Variants in AUTS2 observed in about 807,000 individuals in gnomAD.
AUTS2 encodes autism susceptibility gene 2 protein.
Under a neutral mutation model 112.4 loss-of-function variants are expected in AUTS2, and 17 were observed. The observed-to-expected ratio is 0.15, with a 90% CI of 0.10 to 0.23. The LOEUF is 0.23. Among genes scored for constraint, AUTS2 ranks in the 10% least tolerant of loss-of-function variants. The probability of loss-of-function intolerance (pLI) is 1.00; values close to 1 mark genes in which losing one functional copy is unlikely to be tolerated. For missense variants in AUTS2, 1,510 were observed against 1,701.6 expected, an observed-to-expected ratio of 0.89 and a Z score of 1.98; for synonymous variants, 751 against 702.7, an observed-to-expected ratio of 1.07 and a Z score of -1.09.
chr7:70,614,614 G>A (rs1051223249), intron 5 of AUTS2, among the ~76,000 whole-genome samples: 1 of 152,190 alleles, frequency 6.6e-6, no homozygotes, highest in Non-Finnish European at 1.5e-5. Flanking sequence ...AGCTTCAGAG[G>A]CGTGGCTTTT....
chr7:70,377,338 AT>A (rs1793144624), intron 4 of AUTS2, among the ~76,000 whole-genome samples: 2 of 59,282 alleles, frequency 3.4e-5, no homozygotes, highest in Admixed American at 3.4e-4. Context: ...ATATATATAT[AT>A]ATATATATAT....
At chr7:70,408,710 C>T (rs1562940568) in intron 4 of AUTS2, among the ~76,000 whole-genome samples, 1 of 152,220 alleles carries the variant, frequency 6.6e-6, no homozygotes, top group East Asian at 1.9e-4. Flanking sequence ...TATTCAGGTA[C>T]TCTTACACCT....
intron 4 of AUTS2, among the ~76,000 whole-genome samples, chr7:70,272,253 G>A (rs1362602691): frequency 2.6e-5 from 4 of 151,382 alleles, no homozygotes; most frequent in African/African-American, 7.3e-5. Context: ...AAAAAAGATA[G>A]GACACATTTT....
chr7:70,257,218 G>A (rs965845138), intron 4 of AUTS2, among the ~76,000 whole-genome samples: 7 of 152,016 alleles, frequency 4.6e-5, no homozygotes, highest in African/African-American at 1.7e-4. Context: ...ATAACTCATT[G>A]CAACCTCGAC....
intron 1 of AUTS2, among the ~76,000 whole-genome samples, chr7:69,898,083 G>C (rs925108035): frequency 1.3e-5 from 2 of 152,114 alleles, no homozygotes; most frequent in African/African-American, 4.8e-5. Flanking sequence ...GAAATACAAA[G>C]GATACATGTT....
chr7:70,038,979 G>A (rs747011355), intron 2 of AUTS2, among the ~76,000 whole-genome samples: 1 of 151,876 alleles, frequency 6.6e-6, no homozygotes, highest in East Asian at 1.9e-4. Flanking sequence ...GGCTGGTCTC[G>A]AGCTTGTGGC....
chr7:70,502,087 GA>G (rs1464335215), intron 5 of AUTS2, among the ~76,000 whole-genome samples: 1 of 152,164 alleles, frequency 6.6e-6, no homozygotes, highest in African/African-American at 2.4e-5. Flanking sequence ...GTCTCTTGTA[GA>G]GATGTACACT....
intron 4 of AUTS2, among the ~76,000 whole-genome samples, chr7:70,147,831 A>G (rs1172232553): frequency 6.6e-6 from 1 of 152,106 alleles, no homozygotes; most frequent in Non-Finnish European, 1.5e-5. Context: ...GTGATCAAGC[A>G]TGATCACTGA....
At chr7:70,406,618 G>C (rs879544699) in intron 4 of AUTS2, among the ~76,000 whole-genome samples, 2 of 152,186 alleles carry the variant, frequency 1.3e-5, no homozygotes, top group Non-Finnish European at 2.9e-5. Context: ...CTGGGCTCAC[G>C]TGGGTGTATC....
At chr7:69,936,584 C>T (rs975037221) in intron 2 of AUTS2, among the ~76,000 whole-genome samples, 5 of 152,210 alleles carry the variant, frequency 3.3e-5, no homozygotes, top group South Asian at 2.1e-4. Flanking sequence ...CTCCTGACCT[C>T]GTAATCCACC....
Position 69,899,451 on chromosome 7 carries a change from T to G in AUTS2, c.475T>G (p.Cys159Gly). The G allele has an allele frequency of 6.2e-7, 1 of 1,613,954 alleles. No individual in the cohort carries two copies. The highest frequency in any genetic ancestry group is 8.5e-7 in the Non-Finnish European group (1 of 1,179,868). Residue 159 changes from cysteine to glycine, a missense_variant, in exon 2 of 19, where the codon TGC (cysteine) becomes GGC (glycine). Cys to Gly is a radical substitution (Grantham distance 159). This residue lies in a region of AUTS2 where 535 missense variants were observed against 594.3 expected (regional missense o/e 0.90). Transcript: ENST00000342771. ...AGATCGAGAAAATGACCGCAATCTCTGCCAGCACCTTGGGAAGAGAAAGAA... is the reference window on the plus strand; with the variant it reads ...AGATCGAGAAAATGACCGCAATCTCGGCCAGCACCTTGGGAAGAGAAAGAA... ...SSDRENDRNL[C>G]QHLGKRKKMP...
At chr7:69,626,662 A>C (rs1793966809) in intron 1 of AUTS2, among the ~76,000 whole-genome samples, 1 of 152,240 alleles carries the variant, frequency 6.6e-6, no homozygotes. Context: ...AAGCTGAAAG[A>C]GAAGTTAATT....
At chr7:69,645,075 ATTT>A (rs34549998) in intron 1 of AUTS2, among the ~76,000 whole-genome samples, 2 of 139,720 alleles carry the variant, frequency 1.4e-5, no homozygotes. Context: ...CACCCAGTTA[ATTT>A]TTTTTTTTTT....
intron 2 of AUTS2, among the ~76,000 whole-genome samples, chr7:69,983,953 G>C (rs900987143): frequency 6.6e-6 from 1 of 152,080 alleles, no homozygotes; most frequent in African/African-American, 2.4e-5. Flanking sequence ...TGATTCATCA[G>C]ACAGCTCTAG....
rs114284608 is a variant in AUTS2 at position 69,938,275 on chromosome 7, C to T, written c.522+38777C>T. ...CAGGTGCTGTCTCCTTCTGCAGCTT[C>T]CCGTAGGCCTCTTCCCACTGCTCTT... is the stretch of plus-strand genomic sequence containing the variant. On this transcript the variant is annotated intron_variant, in intron 2 of 18. Transcript: ENST00000342771. Among the ~76,000 whole-genome samples, 995 of 152,254 alleles carry T rather than the reference C, an allele frequency of 6.5e-3. 9 individuals are homozygous for T. The highest frequency in any genetic ancestry group is 0.023 in the African/African-American group (942 of 41,554).
At chr7:70,308,406 A>T (rs752921569) in intron 4 of AUTS2, among the ~76,000 whole-genome samples, 7 of 152,230 alleles carry the variant, frequency 4.6e-5, no homozygotes, top group Non-Finnish European at 8.8e-5. Flanking sequence ...GTTTAAGAGC[A>T]AATTGATTAG....
intron 4 of AUTS2, among the ~76,000 whole-genome samples, chr7:70,416,626 G>A (rs574537912): frequency 2.0e-5 from 3 of 152,304 alleles, no homozygotes; most frequent in African/African-American, 7.2e-5. Context: ...ATGATCTTCA[G>A]CCCTATGAAC....
chr7:70,243,962 C>CAGTAT (rs1812766823), intron 4 of AUTS2, among the ~76,000 whole-genome samples: 1 of 151,272 alleles, frequency 6.6e-6, no homozygotes, highest in Admixed American at 6.6e-5. Flanking sequence ...AATACTATTA[C>CAGTAT]AGTATAGTAA....
intron 5 of AUTS2, among the ~76,000 whole-genome samples, chr7:70,552,224 A>AT (rs1293378077): frequency 1.3e-5 from 2 of 152,140 alleles, no homozygotes; most frequent in Admixed American, 6.6e-5. Flanking sequence ...ATGTGCAAGG[A>AT]TTTTTTTGTT....
Sources: allele counts gnomAD v4.1 joint callset (sites outside exome capture counted in the v4.1 genomes callset), GRCh38; gene constraint gnomAD v4.1.1; regional missense constraint gnomAD v4.1.1; transcripts MANE v1.5; gene names NCBI Gene and HGNC (gene_info 2026-07-23, HGNC 2026-07-21).